Variants in PMPCA observed in about 807,000 individuals in gnomAD.
The protein encoded by PMPCA is mitochondrial-processing peptidase subunit alpha.
PMPCA carries 47 observed loss-of-function variants against 59.3 expected under a neutral mutation model. The ratio of observed to expected loss-of-function variants is 0.79; its 90% CI spans 0.63 to 1.01. PMPCA has a LOEUF of 1.01. PMPCA is among the 50% of genes least tolerant of loss of function. The pLI, the probability that PMPCA is intolerant of heterozygous loss-of-function variation, is 0.00. For synonymous variants in PMPCA, 338 were observed against 290.3 expected (o/e 1.16, Z -1.67); for missense variants, 726 against 704.5 (o/e 1.03, Z -0.34).
In PMPCA at chr9:136,412,235, G is replaced by T. The variant is rs199812806; in HGVS notation, c.274+36G>T. 2.1e-6 allele frequency: 3 copies of T among 1,414,124 alleles called. No homozygotes were observed. In the African/African-American group the frequency reaches 4.2e-5, roughly 20 times the overall value. The allele number at this position is 1,414,124 out of a possible 1,614,324, so 87.6% of individuals were successfully genotyped here. On this transcript the variant is annotated intron_variant, in intron 2 of 12. Transcript: ENST00000371717. Reference sequence around the variant, plus strand: ...TTGTGTTGTCGTGGGTGGTCCCGCAGTTTTAACATGCACATGCTTTAGTTG... The same window carrying T: ...TTGTGTTGTCGTGGGTGGTCCCGCATTTTTAACATGCACATGCTTTAGTTG...
At chr9:136,421,105 CTT>C (rs2131594810) in intron 11 of PMPCA, among the ~76,000 whole-genome samples, 1 of 152,368 alleles carries the variant, frequency 6.6e-6, no homozygotes, top group Non-Finnish European at 1.5e-5. Flanking sequence ...CTCCCAGGGA[CTT>C]TGCTAAAACC....
At position 136,418,117 on chromosome 9, in the gene PMPCA, C is replaced by G. The variant is rs1835334805; in HGVS notation, c.990+8C>G. The G allele has an allele frequency of 6.3e-7, 1 of 1,596,810 alleles. No homozygotes were observed. ...GAGAGCTGCTCCTTCCTGGTGAGTC[C>G]TGGTGCTGGGTCTGATGGCGTTCCT... On this transcript the variant is annotated splice_region_variant and intron_variant, in intron 8 of 12. Transcript: ENST00000371717.
intron 11 of PMPCA, chr9:136,419,440 C>T (rs1273301470): frequency 1.7e-5 from 8 of 459,550 alleles, no homozygotes; most frequent in Middle Eastern, 6.2e-4. Context: ...GCTGGCGAAA[C>T]GCTGCAGGAG....
Position 136,423,236 on chromosome 9 carries a change from T to C in PMPCA, c.1550T>C (p.Leu517Pro). 6.2e-7 allele frequency: 1 copy of C among 1,613,218 alleles called. No individual in the cohort carries two copies. The highest frequency in any genetic ancestry group is 1.1e-5 in the South Asian group (1 of 91,084). ...QTALSSKDGR[L>P]PRTYRLFR ...GCCCTGTCGAGTAAGGACGGGCGCC[T>C]GCCCAGGACGTACCGGCTCTTCCGG... Residue 517 changes from leucine to proline, a missense_variant, in exon 13 of 13, where the codon CTG becomes CCG. Transcript: ENST00000371717.
At chr9:136,413,388 A>G (rs767168512) in intron 4 of PMPCA, among the ~76,000 whole-genome samples, 4 of 152,102 alleles carry the variant, frequency 2.6e-5, no homozygotes, top group Non-Finnish European at 5.9e-5. Flanking sequence ...GGGAGGGGGC[A>G]GTGTTGCCTC....
At chr9:136,422,384 G>A in intron 12 of PMPCA, 1 of 1,134,216 alleles carries the variant, frequency 8.8e-7, no homozygotes, top group Non-Finnish European at 1.1e-6. Flanking sequence ...TCAGCCCCAG[G>A]TTTCCGGGGC....
At chr9:136,414,175 G>A (rs1318309244) in intron 4 of PMPCA, among the ~76,000 whole-genome samples, 2 of 152,236 alleles carry the variant, frequency 1.3e-5, no homozygotes, top group African/African-American at 2.4e-5. Flanking sequence ...CCTTTTGAGA[G>A]AGAGTATAGT....
In PMPCA at chr9:136,414,663, G is replaced by C. The variant is rs201343035; in HGVS notation, c.532+16G>C. The C allele has an allele frequency of 1.3e-6, 2 of 1,565,500 alleles. No homozygotes were observed. Among genetic ancestry groups the C allele is most frequent in the East Asian group, 2.2e-5 (1 of 44,622 alleles). The stretch of plus-strand genomic sequence containing the variant: ...CGGCTAACAGGTGTGGATCCCAGCC[G>C]CTGGCGTTTGAGGTGGGCTTGGACA... On this transcript the variant is annotated intron_variant, in intron 5 of 12. Coordinates refer to ENST00000371717, the MANE Select transcript of PMPCA (RefSeq NM_015160.3).
At chr9:136,421,774 G>C (rs1264716828) in intron 11 of PMPCA, 58 bp from the exon 12 acceptor site, 9 of 1,477,714 alleles carry the variant, frequency 6.1e-6, no homozygotes, top group Non-Finnish European at 8.3e-6. Context: ...TGCTCGAGTG[G>C]GGGGTGGAAG....
At chr9:136,415,379 G>A (rs1023051320) in intron 5 of PMPCA, among the ~76,000 whole-genome samples, 2 of 152,234 alleles carry the variant, frequency 1.3e-5, no homozygotes, top group African/African-American at 4.8e-5. Context: ...AGGGCACCTC[G>A]GACCGTCTTT....
At position 136,421,942 on chromosome 9, in the gene PMPCA, C is replaced by T. The variant is rs745431580; in HGVS notation, c.1374C>T (p.Ser458=). Residue 458 remains serine (S), a synonymous_variant, in exon 12 of 13, where the codon TCC becomes TCT. Transcript: ENST00000371717. ...DVGRQVLATR[S]RKLPHELCTL... ...GGAGGCAGGTGCTGGCCACTCGCTC[C>T]AGAAAGCTGCCGCACGAGCTGTGCA... The T allele has an allele frequency of 2.5e-6, 4 of 1,612,982 alleles. No homozygotes were observed. Among genetic ancestry groups the T allele is most frequent in the Non-Finnish European group, 2.5e-6 (3 of 1,179,804 alleles).
At position 136,417,019 on chromosome 9, in the gene PMPCA, C is replaced by T. The variant is rs3812581; in HGVS notation, c.702C>T (p.Asn234=). 0.27 allele frequency: 428,781 copies of T among 1,613,080 alleles called. 59,370 individuals are homozygous for T. The highest frequency in any genetic ancestry group is 0.29 in the Non-Finnish European group (337,716 of 1,179,836). ...FCPTENVAKI[N]REVLHSYLRN... is the part of the protein sequence containing the mutation. ...CCACAGAAAACGTAGCAAAGATCAA[C>T]CGAGAGGTGCTGCATTCCTACCTGA... Residue 234 remains asparagine (N), a synonymous_variant, in exon 7 of 13, where the codon AAC becomes AAT. Transcript: ENST00000371717.
At chr9:136,411,038 G>C (rs1370692215) in intron 1 of PMPCA, 2 of 341,794 alleles carry the variant, frequency 5.9e-6, no homozygotes, top group African/African-American at 2.1e-5. Context: ...CACCTACCGC[G>C]TGCTCCTTCA....
In PMPCA at chr9:136,414,340, C is replaced by T. The variant is rs536913382; in HGVS notation, c.438-213C>T. Among the ~76,000 whole-genome samples the T allele has an allele frequency of 7.2e-5, 11 of 152,168 alleles. No homozygotes were observed. In the South Asian group the frequency reaches 8.3e-4, roughly 11 times the overall value. On this transcript the variant is annotated intron_variant, in intron 4 of 12. Transcript: ENST00000371717. Reference sequence around the variant, plus strand: ...GAAGGGTAGGAGGTGTCCCCTGGCACGCAAAGCCCAAGCGTCCCTGAAATG... The same window carrying T: ...GAAGGGTAGGAGGTGTCCCCTGGCATGCAAAGCCCAAGCGTCCCTGAAATG...
At chr9:136,422,290 C>T (rs933648356) in intron 12 of PMPCA, 3 of 1,277,730 alleles carry the variant, frequency 2.3e-6, no homozygotes, top group Middle Eastern at 4.3e-4. Flanking sequence ...GCGAGAAGGG[C>T]TCAGTAGAGG....
intron 4 of PMPCA, among the ~76,000 whole-genome samples, chr9:136,414,325 A>T (rs954427161): frequency 6.6e-6 from 1 of 152,208 alleles, no homozygotes; most frequent in Non-Finnish European, 1.5e-5. Context: ...GAAGGGTAGG[A>T]GGTGTCCCCT....
chr9:136,418,136 C>T (rs764512023), intron 8 of PMPCA, 27 bp downstream of exon 8: 12 of 1,501,842 alleles, frequency 8.0e-6, no homozygotes, highest in Non-Finnish European at 1.1e-5. Flanking sequence ...GGTCTGATGG[C>T]GTTCCTGATG....
rs1835513242 is a variant in PMPCA, at chr9:136,423,242, G to A, written c.1556G>A (p.Arg519Lys). The change falls in exon 13 of 13, where the codon AGG (arginine) becomes AAG (lysine). Residue 519 changes from arginine (R) to lysine (K), a missense_variant. Transcript: ENST00000371717. ...ALSSKDGRLP[R>K]TYRLFR is the part of the protein sequence containing the mutation. ...TCGAGTAAGGACGGGCGCCTGCCCA[G>A]GACGTACCGGCTCTTCCGGTAGAAC... The A allele has an allele frequency of 6.2e-7, 1 of 1,612,858 alleles. No homozygotes were observed. The highest frequency in any genetic ancestry group is 8.5e-7 in the Non-Finnish European group (1 of 1,179,908).
At chr9:136,415,957 C>T in intron 5 of PMPCA, 1 of 347,794 alleles carries the variant, frequency 2.9e-6, no homozygotes, top group Non-Finnish European at 5.3e-6. Context: ...TAAGCACCTT[C>T]ATGTCTGGTC....
Sources: gnomAD v4.1 joint callset for allele counts (sites outside exome capture counted in the v4.1 genomes callset) on GRCh38, gnomAD v4.1.1 for gene constraint, MANE v1.5 for transcripts, NCBI Gene and HGNC (gene_info 2026-07-23, HGNC 2026-07-21) for gene names.